Variants in MFAP5 observed in about 807,000 individuals in gnomAD.
MFAP5 encodes the protein microfibrillar-associated protein 5.
Under a neutral mutation model 30.1 loss-of-function variants are expected in MFAP5, and 19 were observed. That is an observed-to-expected ratio of 0.63 (90% CI 0.44 to 0.93). The LOEUF is 0.93. Ranked by LOEUF, MFAP5 falls within the 40% of genes least tolerant of loss-of-function variation. MFAP5 has a pLI of 0.00. For synonymous variants in MFAP5, 92 were observed against 72.9 expected, an observed-to-expected ratio of 1.26 and a Z score of -1.33; for missense variants, 210 against 221.3, an observed-to-expected ratio of 0.95 and a Z score of 0.32.
Position 8,662,435 on chromosome 12 carries a change from T to C in MFAP5, c.-3+192A>G, listed in dbSNP as rs1942181123. 5 of 261,598 alleles carry C rather than the reference T, an allele frequency of 1.9e-5. No homozygotes were observed. The South Asian group carries it at 3.0e-4, about 16-fold the overall frequency. 16.2% of individuals were successfully genotyped at this position (261,598 alleles called of 1,614,324 possible). On this transcript the variant is annotated intron_variant, in intron 1 of 9. Coordinates refer to ENST00000359478, the MANE Select transcript of MFAP5 (RefSeq NM_003480.4). ...CCTGATGTGGAATCTTCCTTTCTCA[T>C]ATGCGTGACTTTTTCATATCATCTG...
intron 6 of MFAP5, among the ~76,000 whole-genome samples, chr12:8,654,091 A>G (rs1259119612): frequency 1.3e-5 from 2 of 150,040 alleles, no homozygotes; most frequent in African/African-American, 5.0e-5. Context: ...GCGCCATTGC[A>G]CTGCAGCCTG....
chr12:8,660,078 G>A (rs1402311097), intron 3 of MFAP5, among the ~76,000 whole-genome samples: 1 of 152,048 alleles, frequency 6.6e-6, no homozygotes, highest in East Asian at 1.9e-4. Flanking sequence ...TTGTTATAGA[G>A]AATGGTGTGA....
Position 8,648,121 on chromosome 12 carries a change from A to G in MFAP5, c.492T>C (p.Asn164=). ...GACCATTGGGTCTCTGCAAATCCAC[A>G]TTTTCACAGGGAGGAAGTCGGAAGT... ...SNYFRLPPCE[N]VDLQRPNGL is the part of the protein sequence containing the mutation. Residue 164 remains asparagine, a synonymous_variant, in exon 10 of 10, where the codon AAT becomes AAC. Transcript: ENST00000359478. The G allele has an allele frequency of 4.3e-6, 7 of 1,613,922 alleles. No individual in the cohort carries two copies. Among genetic ancestry groups the G allele is most frequent in the Non-Finnish European group, 5.9e-6 (7 of 1,179,888 alleles).
At chr12:8,659,427 A>T (rs1027724329) in intron 3 of MFAP5, among the ~76,000 whole-genome samples, 1 of 152,132 alleles carries the variant, frequency 6.6e-6, no homozygotes, top group African/African-American at 2.4e-5. Flanking sequence ...GGCATGAGCC[A>T]CCACACCAGG....
intron 6 of MFAP5, chr12:8,654,162 ACTT>A (rs1941918733): frequency 8.9e-6 from 3 of 338,088 alleles, no homozygotes; most frequent in Non-Finnish European, 1.6e-5. Context: ...TCAAAGCATT[ACTT>A]CTTCTACCCT....
Position 8,656,637 on chromosome 12 carries a change from C to CATATATAT in MFAP5, c.95-808_95-807insATATATAT, listed in dbSNP as rs1565526797. On this transcript the variant is annotated intron_variant, in intron 3 of 9. Transcript: ENST00000359478. ...ATATATACACACATACACACACACACACACACACACACATATATATATATA... is the reference window on the plus strand; with the variant it reads ...ATATATACACACATACACACACACACATATATATACACACACACACATATATATATATA... 2.1e-3 allele frequency among the ~76,000 whole-genome samples: 279 copies of CATATATAT among 133,090 alleles called. 13 individuals carry two copies. Among genetic ancestry groups the CATATATAT allele is most frequent in the African/African-American group, 8.2e-3 (261 of 31,966 alleles). 87.3% of individuals were successfully genotyped at this position (133,090 alleles called of 152,430 possible). A position where few individuals can be genotyped will look rare whatever the true frequency, so the allele number is the denominator to read the frequency against.
At position 8,662,674 on chromosome 12, in the gene MFAP5, G is replaced by A. The variant is rs1565530293; in HGVS notation, c.-50C>T. On this transcript the variant is annotated 5_prime_UTR_variant, in exon 1 of 10. Transcript: ENST00000359478. ...CCACCGAGTCCTTTGGCTGCTGAAT[G>A]TGTCTCTCTCCTCTTACGCTGTTCC... is the stretch of plus-strand genomic sequence containing the variant. The A allele has an allele frequency of 6.6e-6, 1 of 152,652 alleles. No homozygotes were observed. The highest frequency in any genetic ancestry group is 2.1e-4 in the South Asian group (1 of 4,874). 9.5% of individuals were successfully genotyped at this position (152,652 alleles called of 1,614,324 possible). A position where few individuals can be genotyped will look rare whatever the true frequency, so the allele number is the denominator to read the frequency against.
intron 3 of MFAP5, among the ~76,000 whole-genome samples, chr12:8,656,296 C>G (rs12322052): frequency 0.02 from 3,053 of 151,962 alleles, 97 homozygotes; most frequent in African/African-American, 0.07. Flanking sequence ...GAACCGCCCC[C>G]CTCGGCCTCC....
At chr12:8,649,607 G>C in intron 8 of MFAP5, 33 bp from the exon 9 acceptor site, 1 of 1,594,572 alleles carries the variant, frequency 6.3e-7, no homozygotes, top group Non-Finnish European at 8.6e-7. Flanking sequence ...GGCAAGGAAG[G>C]AGATGGAAGA....
At chr12:8,655,727 A>C in intron 4 of MFAP5, 59 bp downstream of exon 4, 1 of 1,560,686 alleles carries the variant, frequency 6.4e-7, no homozygotes, top group Non-Finnish European at 8.7e-7. Context: ...TGTAGACATG[A>C]TCCTTTATCT....
At chr12:8,662,314 A>T in intron 1 of MFAP5, 1 of 558,316 alleles carries the variant, frequency 1.8e-6, no homozygotes, top group East Asian at 3.1e-5. Flanking sequence ...GTCACTTACC[A>T]TTATTCTTGC....
Position 8,662,057 on chromosome 12 carries a change from G to C in MFAP5, c.48C>G (p.Ile16Met). ...GAATAAAGGACTCACCAGAGGTGAT[G>C]ATGAATGCAGCAAGAAACAGCAGCA... Reference protein sequence around the residue: ...PKVLLFLAAFIITSDWIPLGV... With the variant: ...PKVLLFLAAFMITSDWIPLGV... Residue 16 changes from isoleucine to methionine, a missense_variant, in exon 2 of 10, where the codon ATC becomes ATG. Transcript: ENST00000359478. 5.0e-6 allele frequency: 8 copies of C among 1,613,892 alleles called. No individual in the cohort carries two copies. Among genetic ancestry groups the C allele is most frequent in the Non-Finnish European group, 6.8e-6 (8 of 1,179,974 alleles).
intron 5 of MFAP5, 48 bp from the exon 6 acceptor site, chr12:8,654,529 A>G: frequency 6.5e-7 from 1 of 1,545,468 alleles, no homozygotes; most frequent in Non-Finnish European, 8.8e-7. Context: ...CAAATTGCAA[A>G]CACAAGGCAG....
chr12:8,655,477 A>C, intron 4 of MFAP5, 30 bp from the exon 5 acceptor site: 1 of 1,602,250 alleles, frequency 6.2e-7, no homozygotes, highest in African/African-American at 1.3e-5. Context: ...GGAATGAAAA[A>C]ATGCAGTCAG....
intron 8 of MFAP5, chr12:8,650,263 T>C: frequency 2.0e-6 from 1 of 503,318 alleles, no homozygotes; most frequent in South Asian, 2.4e-5. Context: ...CTCATGACCC[T>C]TCTTCCTCCA....
chr12:8,658,088 C>T (rs1203876466), intron 3 of MFAP5, among the ~76,000 whole-genome samples: 1 of 152,152 alleles, frequency 6.6e-6, no homozygotes, highest in Admixed American at 6.5e-5. Context: ...ATGGTTCATG[C>T]CTGTAATCCC....
At chr12:8,650,399 C>T in intron 8 of MFAP5, 103 bp downstream of exon 8, 1 of 1,125,110 alleles carries the variant, frequency 8.9e-7, no homozygotes, top group Non-Finnish European at 1.3e-6. Flanking sequence ...AAAACTTTGG[C>T]CCCATCAAAG....
intron 6 of MFAP5, among the ~76,000 whole-genome samples, chr12:8,652,135 A>G (rs1941854554): frequency 6.6e-6 from 1 of 152,184 alleles, no homozygotes; most frequent in Non-Finnish European, 1.5e-5. Context: ...TCTTGATAGA[A>G]GCTGTTGGGT....
intron 3 of MFAP5, 54 bp downstream of exon 3, chr12:8,660,809 C>A: frequency 6.9e-7 from 1 of 1,456,324 alleles, no homozygotes; most frequent in South Asian, 1.2e-5. Flanking sequence ...CTCTGTTCAT[C>A]TAAATTTTCC....
Sources: gnomAD v4.1 joint callset for allele counts (sites outside exome capture counted in the v4.1 genomes callset) on GRCh38, gnomAD v4.1.1 for gene constraint, MANE v1.5 for transcripts, NCBI Gene and HGNC (gene_info 2026-07-23, HGNC 2026-07-21) for gene names.